VRK1: variants seen among roughly 807,000 people sequenced by gnomAD.
VRK1 encodes VRK serine/threonine kinase 1, also known as serine/threonine-protein kinase VRK1.
In VRK1, 33 loss-of-function variants were observed where a neutral mutation model predicts 57.1. The observed-to-expected ratio is 0.58, with a 90% CI of 0.44 to 0.77. The LOEUF (loss-of-function observed/expected upper bound fraction) is 0.77. Among genes scored for constraint, VRK1 ranks in the 30% least tolerant of loss-of-function variants. The pLI is 0.00. For synonymous variants in VRK1, 137 were observed against 147.8 expected (o/e 0.93, Z 0.53); for missense variants, 413 against 477.3 (o/e 0.87, Z 1.25).
At position 96,868,891 on chromosome 14, in the gene VRK1, G is replaced by C. The variant is rs144205655; in HGVS notation, c.1069-7139G>C. Among the ~76,000 whole-genome samples the C allele has an allele frequency of 2.8e-3, 426 of 151,358 alleles. 3 individuals are homozygous for C. The highest frequency in any genetic ancestry group is 4.1e-3 in the Non-Finnish European group (280 of 67,894). ...GATCTCGACTCACCGCAGCCACCGG[G>C]TTCAAGCGATTCTCCAGCCTCAGCC... On this transcript the variant is annotated intron_variant, in intron 11 of 12. Transcript: ENST00000216639.
chr14:96,877,247 G>T (rs1192162828), intron 12 of VRK1: 2 of 257,690 alleles, frequency 7.8e-6, no homozygotes, highest in Middle Eastern at 1.3e-3. Flanking sequence ...GGAAAGCACA[G>T]TATTCAACTT....
chr14:96,880,518 G>A (rs1889219863), intron 12 of VRK1, among the ~76,000 whole-genome samples: 1 of 152,148 alleles, frequency 6.6e-6, no homozygotes, highest in Non-Finnish European at 1.5e-5. Context: ...AAATGTCTTG[G>A]TGAGGCAGAA....
At chr14:96,835,168 G>A (rs959876645) in intron 2 of VRK1, among the ~76,000 whole-genome samples, 2 of 152,052 alleles carry the variant, frequency 1.3e-5, no homozygotes, top group African/African-American at 2.4e-5. Context: ...GAGTATTGTC[G>A]CCTCCAGTCT....
chr14:96,867,483 G>C (rs1257610811), intron 11 of VRK1, among the ~76,000 whole-genome samples: 2 of 144,280 alleles, frequency 1.4e-5, no homozygotes, highest in African/African-American at 2.7e-5. Context: ...GTGTGTGTGT[G>C]TGTGTGTGTT....
At chr14:96,822,156 A>G (rs991521064) in intron 1 of VRK1, among the ~76,000 whole-genome samples, 1 of 149,938 alleles carries the variant, frequency 6.7e-6, no homozygotes, top group African/African-American at 2.5e-5. Flanking sequence ...ATTTTTCTCT[A>G]CTGAATAAAA....
chr14:96,840,689 C>T (rs903496495), intron 3 of VRK1, among the ~76,000 whole-genome samples: 4 of 152,150 alleles, frequency 2.6e-5, no homozygotes, highest in Admixed American at 6.5e-5. Context: ...GAAAGCAAGT[C>T]TCCTTCTGAC....
At chr14:96,848,218 T>C (rs1277222523) in intron 5 of VRK1, among the ~76,000 whole-genome samples, 1 of 152,114 alleles carries the variant, frequency 6.6e-6, no homozygotes, top group Non-Finnish European at 1.5e-5. Context: ...AGGTGGCTGC[T>C]CCATTTCTAG....
chr14:96,877,807 A>G (rs180675546), intron 12 of VRK1: 96 of 473,336 alleles, frequency 2.0e-4, no homozygotes, highest in African/African-American at 1.5e-3. Flanking sequence ...ATGAGCATCA[A>G]GCGTTTTTGT....
At chr14:96,873,277 G>A (rs891699917) in intron 11 of VRK1, among the ~76,000 whole-genome samples, 1 of 152,092 alleles carries the variant, frequency 6.6e-6, no homozygotes, top group Non-Finnish European at 1.5e-5. Flanking sequence ...TCTCCAATCG[G>A]TGTTTAGACT....
chr14:96,800,926 A>G (rs551540591), intron 1 of VRK1, among the ~76,000 whole-genome samples: 1 of 152,220 alleles, frequency 6.6e-6, no homozygotes, highest in East Asian at 1.9e-4. Flanking sequence ...TTTAAAGCAA[A>G]TATCATACTG....
intron 10 of VRK1, chr14:96,858,940 G>A (rs940243734): frequency 6.6e-6 from 1 of 152,190 alleles, no homozygotes; most frequent in Admixed American, 6.5e-5. Flanking sequence ...CAAGTTTGCT[G>A]GAACCTTGGG....
intron 1 of VRK1, among the ~76,000 whole-genome samples, 197 bp downstream of exon 1, chr14:96,797,644 G>C (rs567168286): frequency 6.6e-6 from 1 of 152,072 alleles, no homozygotes; most frequent in African/African-American, 2.4e-5. Flanking sequence ...GCGGGCGTCC[G>C]CTCCTTCCTT....
At chr14:96,831,165 T>G (rs1287266230) in intron 1 of VRK1, among the ~76,000 whole-genome samples, 22 of 152,236 alleles carry the variant, frequency 1.4e-4, no homozygotes, top group Admixed American at 1.4e-3. Context: ...CCATACTTTC[T>G]TCTGCTTCCT....
chr14:96,858,060 TTTGTTA>T (rs1053413719), intron 10 of VRK1, among the ~76,000 whole-genome samples: 67 of 152,278 alleles, frequency 4.4e-4, no homozygotes, highest in Non-Finnish European at 7.6e-4. Context: ...CATGTTTTTT[TTTGTTA>T]TTGTTGTTGT....
chr14:96,804,640 G>A lies in VRK1; in HGVS notation c.-6+7193G>A, dbSNP rs187623879. Among the ~76,000 whole-genome samples, 12 of 152,292 alleles carry A rather than the reference G, an allele frequency of 7.9e-5. No individual in the cohort carries two copies. The East Asian group carries it at 2.3e-3, about 29-fold the overall frequency. ...TTTCATTGGCTATTAGGAAGGTGCTGTATATTCTTAATCAGGAAAATGGTA... is the reference window on the plus strand; with the variant it reads ...TTTCATTGGCTATTAGGAAGGTGCTATATATTCTTAATCAGGAAAATGGTA... On this transcript the variant is annotated intron_variant, in intron 1 of 12. Coordinates refer to ENST00000216639, the MANE Select transcript of VRK1 (RefSeq NM_003384.3).
chr14:96,872,563 C>A (rs1320497626), intron 11 of VRK1, among the ~76,000 whole-genome samples: 1 of 152,170 alleles, frequency 6.6e-6, no homozygotes, highest in Non-Finnish European at 1.5e-5. Context: ...CTGCTGCTTC[C>A]TACTGAAAGC....
chr14:96,805,984 CTTTTTTT>C (rs368273142), intron 1 of VRK1, among the ~76,000 whole-genome samples: 2,201 of 126,364 alleles, frequency 0.017, 67 homozygotes, highest in African/African-American at 0.06. Flanking sequence ...GAGAATTTTT[CTTTTTTT>C]TTTTTTTTTT....
In VRK1 at chr14:96,833,555, A is replaced by G; in HGVS notation, c.84A>G (p.Ile28Met). 6.2e-7 allele frequency: 1 copy of G among 1,613,896 alleles called. No individual in the cohort carries two copies. The highest frequency in any genetic ancestry group is 8.5e-7 in the Non-Finnish European group (1 of 1,179,810). ...CAGAACAATTTGCAGTTGGAGAGAT[A>G]ATAACTGACATGGCAAAAAAGGAAT... is the stretch of plus-strand genomic sequence containing the variant. Reference protein sequence around the residue: ...HLAEQFAVGEIITDMAKKEWK... With the variant: ...HLAEQFAVGEMITDMAKKEWK... The change falls in exon 2 of 13, where the codon ATA becomes ATG. Residue 28 changes from isoleucine to methionine, a missense_variant. Ile to Met is a conservative substitution (Grantham distance 10). Coordinates refer to ENST00000216639, the MANE Select transcript of VRK1 (RefSeq NM_003384.3).
At chr14:96,809,649 T>C (rs747378242) in intron 1 of VRK1, among the ~76,000 whole-genome samples, 1 of 150,976 alleles carries the variant, frequency 6.6e-6, no homozygotes, top group African/African-American at 2.4e-5. Context: ...CTTGGCTTAC[T>C]GCAACCTCTG....
Sources: allele counts gnomAD v4.1 joint callset (sites outside exome capture counted in the v4.1 genomes callset), GRCh38; gene constraint gnomAD v4.1.1; transcripts MANE v1.5; gene names NCBI Gene and HGNC (gene_info 2026-07-23, HGNC 2026-07-21).